The following RAN variants were observed in gnomAD, a reference collection of about 807,000 sequenced individuals.
RAN encodes RAN, member RAS oncogene family, also known as GTP-binding nuclear protein Ran.
RAN carries 2 observed loss-of-function variants against 26.8 expected under a neutral mutation model. The ratio of observed to expected loss-of-function variants is 0.07; its 90% confidence interval spans 0.03 to 0.23. The LOEUF (loss-of-function observed/expected upper bound fraction) is 0.23, where lower values mean the gene tolerates loss of function less well. Ranked by LOEUF, RAN falls within the 10% of genes least tolerant of loss-of-function variation. The pLI, the probability that RAN is intolerant of heterozygous loss-of-function variation, is 1.00. For synonymous variants in RAN, 132 were observed against 95.9 expected, an observed-to-expected ratio of 1.38 and a Z score of -2.20; for missense variants, 56 against 264.8, an observed-to-expected ratio of 0.21 and a Z score of 5.47.
chr12:130,873,426 A>G (rs995412884), intron 4 of RAN: 3 of 321,176 alleles, frequency 9.3e-6, no homozygotes, highest in Non-Finnish European at 1.8e-5. Flanking sequence ...GTATTTGGAA[A>G]CTTAGGTTCA....
At chr12:130,874,813 T>C in intron 5 of RAN, 80 bp downstream of exon 5, 1 of 1,207,916 alleles carries the variant, frequency 8.3e-7, no homozygotes, top group East Asian at 2.5e-5. Context: ...CAGTGTCTAT[T>C]ATATATGGAA....
At chr12:130,874,312 G>C in intron 4 of RAN, 1 of 449,998 alleles carries the variant, frequency 2.2e-6, no homozygotes, top group Non-Finnish European at 3.9e-6. Flanking sequence ...GGGATGAGGG[G>C]AGTATTAATG....
intron 4 of RAN, chr12:130,873,909 T>C (rs1174248518): frequency 5.0e-6 from 1 of 198,492 alleles, no homozygotes; most frequent in Non-Finnish European, 1.1e-5. Flanking sequence ...TTTCGCTCTG[T>C]TGCCCAACCT....
In RAN at chr12:130,876,039, G is replaced by T. The variant is rs1953233451; in HGVS notation, c.*113G>T. 10 of 1,102,778 alleles carry T rather than the reference G, an allele frequency of 9.1e-6. No individual in the cohort carries two copies. The highest frequency in any genetic ancestry group is 2.0e-5 in the Admixed American group (1 of 49,150). The allele number at this position is 1,102,778 out of a possible 1,614,324, so 68.3% of individuals were successfully genotyped here. On this transcript the variant is annotated 3_prime_UTR_variant, in exon 7 of 7. Transcript: ENST00000543796. ...TATTATCTAGCTAAGCGGAACATGT[G>T]CTTCATCTGTGGGATGCTGAAGGAG...
At chr12:130,875,469 A>T in intron 5 of RAN, 143 bp from the exon 6 acceptor site, 1 of 745,708 alleles carries the variant, frequency 1.3e-6, no homozygotes, top group Non-Finnish European at 2.1e-6. Context: ...ATCCCACCTC[A>T]GCCCCCGAAA....
chr12:130,872,838 T>C lies in RAN; in HGVS notation c.39T>C (p.Leu13=). Residue 13 remains leucine (L), a splice_region_variant and synonymous_variant, in exon 3 of 7, where the codon CTT becomes CTC. Coordinates refer to ENST00000543796, the MANE Select transcript of RAN (RefSeq NM_006325.5). ...TTCCAAAATGTGTTTTTCAACAGCT[T>C]GTATTGGTTGGTGATGGTGGTACTG... ...AQGEPQVQFK[L]VLVGDGGTGK... is the part of the protein sequence containing the mutation. 3 of 1,614,162 alleles carry C rather than the reference T, an allele frequency of 1.9e-6. No homozygotes were observed. The highest frequency in any genetic ancestry group is 1.7e-6 in the Non-Finnish European group (2 of 1,179,970).
chr12:130,872,647 G>A lies in RAN; in HGVS notation c.36+18G>A, dbSNP rs1413562558. ...AGTTCAAAGTAGGTAACCCTGCGGG[G>A]CGGGAGGCGGCCGAGCCCGACCGCG... On this transcript the variant is annotated intron_variant, in intron 2 of 6. Coordinates refer to ENST00000543796, the MANE Select transcript of RAN (RefSeq NM_006325.5). 1.9e-5 allele frequency: 29 copies of A among 1,521,658 alleles called. No homozygotes were observed. The highest frequency in any genetic ancestry group is 2.5e-5 in the Non-Finnish European group (29 of 1,138,130). 94.3% of individuals were successfully genotyped at this position (1,521,658 alleles called of 1,614,324 possible). A position where few individuals can be genotyped will look rare whatever the true frequency, so the allele number is the denominator to read the frequency against.
chr12:130,873,247 A>C, intron 4 of RAN, 119 bp downstream of exon 4: 1 of 1,399,644 alleles, frequency 7.1e-7, no homozygotes, highest in East Asian at 2.3e-5. Flanking sequence ...AAAAAAAGAC[A>C]AGTGGACTTC....
At chr12:130,874,984 A>G (rs1402306381) in intron 5 of RAN, among the ~76,000 whole-genome samples, 1 of 151,772 alleles carries the variant, frequency 6.6e-6, no homozygotes, top group East Asian at 1.9e-4. Context: ...ACGCCTGGCT[A>G]ATTTTTGTAC....
chr12:130,874,755 T>C (rs760907399), intron 5 of RAN, 22 bp downstream of exon 5: 10 of 1,579,756 alleles, frequency 6.3e-6, no homozygotes, highest in Non-Finnish European at 8.7e-6. Context: ...TAAAACTTCC[T>C]GAGTTATTTC....
chr12:130,873,321 G>A, intron 4 of RAN, 193 bp downstream of exon 4: 2 of 641,930 alleles, frequency 3.1e-6, no homozygotes, highest in East Asian at 6.1e-5. Context: ...TTTGCATGCT[G>A]TGTCATGCTA....
rs925441921 is a variant in RAN, at chr12:130,874,604, T to C, written c.306T>C (p.Pro102=). ...CGAGAGTTACTTACAAGAATGTGCCTAACTGGCATAGAGATCTGGTACGAG... is the reference window on the plus strand; with the variant it reads ...CGAGAGTTACTTACAAGAATGTGCCCAACTGGCATAGAGATCTGGTACGAG... ...VTSRVTYKNV[P]NWHRDLVRVC... Residue 102 remains proline, a synonymous_variant, in exon 5 of 7, where the codon CCT becomes CCC. Coordinates refer to ENST00000543796, the MANE Select transcript of RAN (RefSeq NM_006325.5). 6.2e-6 allele frequency: 10 copies of C among 1,604,848 alleles called. No individual in the cohort carries two copies. Among genetic ancestry groups the C allele is most frequent in the Non-Finnish European group, 7.7e-6 (9 of 1,172,272 alleles).
chr12:130,872,430 C>T, intron 1 of RAN, 154 bp from the exon 2 acceptor site: 1 of 257,776 alleles, frequency 3.9e-6, no homozygotes, highest in Non-Finnish European at 6.4e-6. Context: ...GCCGGCCCCG[C>T]CCGCCGCCTT....
At position 130,874,575 on chromosome 12, in the gene RAN, A is replaced by G; in HGVS notation, c.277A>G (p.Thr93Ala). 6.3e-7 allele frequency: 1 copy of G among 1,598,274 alleles called. No individual in the cohort carries two copies. The highest frequency in any genetic ancestry group is 1.1e-5 in the South Asian group (1 of 90,272). The change falls in exon 5 of 7, where the codon ACA (threonine) becomes GCA (alanine). Residue 93 changes from threonine to alanine, a missense_variant. By Grantham distance (58) the Thr-to-Ala change is moderately conservative (BLOSUM62 0). Transcript: ENST00000543796. ...GTGTGCCATCATAATGTTTGATGTA[A>G]CATCGAGAGTTACTTACAAGAATGT... ...AQCAIIMFDV[T>A]SRVTYKNVPN...
chr12:130,872,190 G>T, intron 1 of RAN, 64 bp downstream of exon 1: 1 of 164,142 alleles, frequency 6.1e-6, no homozygotes, highest in South Asian at 1.1e-4. Flanking sequence ...GCGGGATAGG[G>T]GTCGGAGCCG....
chr12:130,874,008 T>C, intron 4 of RAN: 1 of 386,004 alleles, frequency 2.6e-6, no homozygotes. Context: ...CCACTATGCC[T>C]GACTAATTTT....
intron 5 of RAN, among the ~76,000 whole-genome samples, chr12:130,875,170 T>G (rs569433285): frequency 1.3e-5 from 2 of 151,986 alleles, no homozygotes; most frequent in African/African-American, 4.8e-5. Flanking sequence ...TAAAGAATGA[T>G]AGAGATTGGG....
rs11061204 is a variant in RAN at position 130,873,229 on chromosome 12, T to G, written c.247+101T>G. On this transcript the variant is annotated intron_variant, in intron 4 of 6. Coordinates refer to ENST00000543796, the MANE Select transcript of RAN (RefSeq NM_006325.5). ...GTCTGTTCCAACAAATAGTGTCATTTTTGGGTTAAAAAAAGACAAGTGGAC... is the reference window on the plus strand; with the variant it reads ...GTCTGTTCCAACAAATAGTGTCATTGTTGGGTTAAAAAAAGACAAGTGGAC... 2,451 of 1,498,924 alleles carry G rather than the reference T, an allele frequency of 1.6e-3. 5 individuals are homozygous for G. Among genetic ancestry groups the G allele is most frequent in the Non-Finnish European group, 2.1e-3 (2,295 of 1,107,714 alleles). 92.9% of individuals were successfully genotyped at this position (1,498,924 alleles called of 1,614,324 possible).
rs1953252879 is a variant in RAN at position 130,876,788 on chromosome 12, TTA to T, written c.*863_*864del. On this transcript the variant is annotated 3_prime_UTR_variant, in exon 7 of 7. Transcript: ENST00000543796. ...AATTTTGCACTTTTTTGTTTGAATG[TTA>T]GATGCTTAGTGTGAAGTTGATACGC... is the stretch of plus-strand genomic sequence containing the variant. The T allele has an allele frequency of 6.6e-6, 1 of 152,224 alleles. No individual in the cohort carries two copies. The allele number at this position is 152,224 out of a possible 1,614,324, so 9.4% of individuals were successfully genotyped here. A position where few individuals can be genotyped will look rare whatever the true frequency, so the allele number is the denominator to read the frequency against.
Sources: gnomAD v4.1 joint callset for allele counts (sites outside exome capture counted in the v4.1 genomes callset) on GRCh38, gnomAD v4.1.1 for gene constraint, MANE v1.5 for transcripts, NCBI Gene and HGNC (gene_info 2026-07-23, HGNC 2026-07-21) for gene names.